Variants in CDCA7 observed in about 807,000 individuals in gnomAD.
CDCA7 encodes cell division cycle associated 7, also known as cell division cycle-associated protein 7.
In CDCA7, 28 loss-of-function variants were observed where a neutral mutation model predicts 54.0. The ratio of observed to expected loss-of-function variants is 0.52; its 90% CI spans 0.38 to 0.71. The LOEUF is 0.71. CDCA7 is among the 30% of genes least tolerant of loss of function. The pLI is 0.00. For missense variants in CDCA7, 484 were observed against 586.0 expected (o/e 0.83, Z 1.80); for synonymous variants, 180 against 208.2 (o/e 0.86, Z 1.16).
chr2:173,356,098 T>G (rs1473491925), intron 1 of CDCA7: 1 of 152,176 alleles, frequency 6.6e-6, no homozygotes, highest in Non-Finnish European at 1.5e-5. Flanking sequence ...AAACCTGACG[T>G]GAAAGTGTAC....
intron 1 of CDCA7, among the ~76,000 whole-genome samples, chr2:173,357,401 C>T (rs966700697): frequency 3.3e-5 from 5 of 152,170 alleles, no homozygotes; most frequent in African/African-American, 7.2e-5. Context: ...AAATGGAATC[C>T]GGTATCCCAC....
intron 5 of CDCA7, 22 bp downstream of exon 5, chr2:173,363,917 T>A: frequency 6.2e-7 from 1 of 1,606,004 alleles, no homozygotes; most frequent in South Asian, 1.1e-5. Flanking sequence ...TTCTTGTTTA[T>A]ATACAGTAGT....
rs1249114787 is a variant in CDCA7 at position 173,354,977 on chromosome 2, G to A, written c.14G>A (p.Arg5His). 1.4e-6 allele frequency: 2 copies of A among 1,443,020 alleles called. No individual in the cohort carries two copies. Among genetic ancestry groups the A allele is most frequent in the Admixed American group, 2.7e-5 (1 of 36,486 alleles). The allele number at this position is 1,443,020 out of a possible 1,614,324, so 89.4% of individuals were successfully genotyped here. A position where few individuals can be genotyped will look rare whatever the true frequency, so the allele number is the denominator to read the frequency against. ...CCCGCCACCAGCATGGACGCTCGCC[G>A]CGTGCCGGTGAGGGCTGGGCGGGCG... Reference protein sequence around the residue: MDARRVPQKDLRVKK... With the variant: MDARHVPQKDLRVKK... Residue 5 changes from arginine to histidine, a missense_variant, in exon 1 of 10, where the codon CGC becomes CAC. Coordinates refer to ENST00000306721, the MANE Select transcript of CDCA7 (RefSeq NM_031942.5).
Position 173,359,280 on chromosome 2 carries a change from G to T in CDCA7, c.173G>T (p.Ser58Ile). The T allele has an allele frequency of 2.5e-6, 4 of 1,614,090 alleles. No individual in the cohort carries two copies. Among genetic ancestry groups the T allele is most frequent in the Non-Finnish European group, 3.4e-6 (4 of 1,179,960 alleles). ...AAACCTAAATTCAGGTCAGATATCA[G>T]TGAAGAACTGGCAAATGTTTTTTAT... is the stretch of plus-strand genomic sequence containing the variant. ...NTKPKFRSDI[S>I]EELANVFYED... Residue 58 changes from serine to isoleucine, a missense_variant, in exon 3 of 10, where the codon AGT becomes ATT. This residue lies in a region of CDCA7 where 398 missense variants were observed against 447.4 expected (regional missense o/e 0.89). Coordinates refer to ENST00000306721, the MANE Select transcript of CDCA7 (RefSeq NM_031942.5).
At chr2:173,365,834 A>G (rs1031215982) in intron 7 of CDCA7, among the ~76,000 whole-genome samples, 3 of 152,236 alleles carry the variant, frequency 2.0e-5, no homozygotes, top group Middle Eastern at 3.2e-3. Flanking sequence ...TTAGAAATCA[A>G]TTCATTCAAC....
At chr2:173,361,802 G>GT (rs896035436) in intron 3 of CDCA7, among the ~76,000 whole-genome samples, 35 of 150,654 alleles carry the variant, frequency 2.3e-4, no homozygotes, top group Non-Finnish European at 2.4e-4. Flanking sequence ...TATGTTTTGT[G>GT]TTTTTTTTTA....
Position 173,359,406 on chromosome 2 carries a change from C to G in CDCA7, c.299C>G (p.Thr100Ser). ...TTACAGAAACCAAGGCCAGATGTCA[C>G]TAACGAACTGGCCGGTATTTTTCAT... ...GFLQKPRPDVTNELAGIFHAD... is the reference protein window; with the variant it reads ...GFLQKPRPDVSNELAGIFHAD... The change falls in exon 3 of 10, where the codon ACT becomes AGT. Residue 100 changes from threonine to serine, a missense_variant. This residue lies in a region of CDCA7 where 398 missense variants were observed against 447.4 expected (regional missense o/e 0.89). Transcript: ENST00000306721. The G allele has an allele frequency of 6.2e-7, 1 of 1,614,136 alleles. No individual in the cohort carries two copies. Among genetic ancestry groups the G allele is most frequent in the South Asian group, 1.1e-5 (1 of 91,088 alleles).
At chr2:173,363,588 G>C in intron 4 of CDCA7, 126 bp downstream of exon 4, 2 of 1,025,942 alleles carry the variant, frequency 1.9e-6, no homozygotes, top group Non-Finnish European at 1.4e-6. Context: ...TTGTTTACCT[G>C]TGAAGTCTTC....
Position 173,354,959 on chromosome 2 carries a change from C to G in CDCA7, c.-5C>G, listed in dbSNP as rs1262093334. 6.8e-7 allele frequency: 1 copy of G among 1,460,046 alleles called. No individual in the cohort carries two copies. Among genetic ancestry groups the G allele is most frequent in the Non-Finnish European group, 9.0e-7 (1 of 1,114,180 alleles). 90.4% of individuals were successfully genotyped at this position (1,460,046 alleles called of 1,614,324 possible). The stretch of plus-strand genomic sequence containing the variant: ...CAAGCGCCGATCTGGGCACCCGCCA[C>G]CAGCATGGACGCTCGCCGCGTGCCG... On this transcript the variant is annotated 5_prime_UTR_variant, in exon 1 of 10. Coordinates refer to ENST00000306721, the MANE Select transcript of CDCA7 (RefSeq NM_031942.5).
rs1686561974 is a variant in CDCA7, at chr2:173,358,756, T to C, written c.66T>C (p.Tyr22=). 7 of 1,613,862 alleles carry C rather than the reference T, an allele frequency of 4.3e-6. No individual in the cohort carries two copies. In the South Asian group the frequency reaches 4.4e-5, roughly 10 times the overall value. ...AGAAGAACTTAAAGAAATTCAGATA[T>C]GTGAAGTTGATTTCCATGGAAACCT... is the stretch of plus-strand genomic sequence containing the variant. The part of the protein sequence containing the change: ...RVKKNLKKFR[Y]VKLISMETSS... Residue 22 remains tyrosine, a synonymous_variant, in exon 2 of 10, where the codon TAT becomes TAC. Transcript: ENST00000306721.
In CDCA7 at chr2:173,359,418, C is replaced by A. The variant is rs1273474132; in HGVS notation, c.311C>A (p.Ala104Asp). The part of the protein sequence containing the change: ...KPRPDVTNEL[A>D]GIFHADSDDE... Reference sequence around the variant, plus strand: ...AGGCCAGATGTCACTAACGAACTGGCCGGTATTTTTCATGCCGACTCTGAC... The same window carrying A: ...AGGCCAGATGTCACTAACGAACTGGACGGTATTTTTCATGCCGACTCTGAC... Residue 104 changes from alanine (A) to aspartate (D), a missense_variant, in exon 3 of 10, where the codon GCC (alanine) becomes GAC (aspartate). By Grantham distance (126) the Ala-to-Asp change is moderately radical. Coordinates refer to ENST00000306721, the MANE Select transcript of CDCA7 (RefSeq NM_031942.5). The A allele has an allele frequency of 6.2e-7, 1 of 1,614,082 alleles. No individual in the cohort carries two copies. The highest frequency in any genetic ancestry group is 1.7e-5 in the Admixed American group (1 of 60,008).
chr2:173,366,337 A>C lies in CDCA7; in HGVS notation c.1090A>C (p.Arg364=). The C allele has an allele frequency of 6.2e-7, 1 of 1,614,042 alleles. No individual in the cohort carries two copies. Among genetic ancestry groups the C allele is most frequent in the Non-Finnish European group, 8.5e-7 (1 of 1,180,024 alleles). The change falls in exon 8 of 10, where the codon AGA becomes CGA. Residue 364 remains arginine, a synonymous_variant. Transcript: ENST00000306721. The surrounding 1 kb of genome is among the most constrained non-coding windows in gnomAD (Gnocchi z 4.5). ...QKTIDTKTNC[R]NPDCWGVRGQ... is the part of the protein sequence containing the mutation. ...GACTATTGATACCAAAACAAACTGC[A>C]GAAACCCAGACTGCTGGGGCGTTCG...
chr2:173,358,609 A>G, intron 1 of CDCA7, 103 bp from the exon 2 acceptor site: 1 of 1,284,314 alleles, frequency 7.8e-7, no homozygotes, highest in South Asian at 1.6e-5. Context: ...AAATGGACAT[A>G]TCTACTCTGT....
chr2:173,367,232 T>A lies in CDCA7; in HGVS notation c.1268T>A (p.Leu423His). Residue 423 changes from leucine (L) to histidine (H), a missense_variant, in exon 9 of 10, where the codon CTT (leucine) becomes CAT (histidine). Coordinates refer to ENST00000306721, the MANE Select transcript of CDCA7 (RefSeq NM_031942.5). Reference protein sequence around the residue: ...QRDGRCATGVLVYLAKYHGFG... With the variant: ...QRDGRCATGVHVYLAKYHGFG... The stretch of plus-strand genomic sequence containing the variant: ...GATGGACGGTGTGCGACTGGGGTCC[T>A]TGTGTATTTAGCCAAATATCATGGC... 1 of 1,613,906 alleles carries A rather than the reference T, an allele frequency of 6.2e-7. No individual in the cohort carries two copies. Among genetic ancestry groups the A allele is most frequent in the Non-Finnish European group, 8.5e-7 (1 of 1,179,936 alleles).
rs141348368 is a variant in CDCA7 at position 173,361,554 on chromosome 2, C to T, written c.385-1672C>T. Among the ~76,000 whole-genome samples the T allele has an allele frequency of 2.2e-4, 33 of 150,918 alleles. 1 individual carries two copies. Among genetic ancestry groups the T allele is most frequent in the African/African-American group, 7.1e-4 (29 of 41,046 alleles). ...ACAACCTCCGCCTCCTGGGTTCAAG[C>T]GATTCTTGTGTCTCAGCATCTGAGT... On this transcript the variant is annotated intron_variant, in intron 3 of 9. Transcript: ENST00000306721.
chr2:173,355,010 G>A, intron 1 of CDCA7, 26 bp downstream of exon 1: 1 of 1,370,400 alleles, frequency 7.3e-7, no homozygotes, highest in South Asian at 1.8e-5. Context: ...GCGAACCCGA[G>A]GGGCGGGCGC....
chr2:173,365,879 AT>A (rs1262455065), intron 7 of CDCA7, among the ~76,000 whole-genome samples: 2 of 152,250 alleles, frequency 1.3e-5, no homozygotes, highest in Non-Finnish European at 2.9e-5. Flanking sequence ...GTGTGTATAC[AT>A]AGCTAGGTGC....
intron 2 of CDCA7, 102 bp from the exon 3 acceptor site, chr2:173,359,153 A>C: frequency 4.4e-6 from 4 of 915,672 alleles, no homozygotes; most frequent in Non-Finnish European, 5.0e-6. Context: ...GTTCTCTTGT[A>C]GTGCACTTGT....
intron 3 of CDCA7, among the ~76,000 whole-genome samples, chr2:173,362,724 G>A (rs930774656): frequency 2.0e-5 from 3 of 146,738 alleles, no homozygotes; most frequent in Non-Finnish European, 4.5e-5. Context: ...ACAGGCATGC[G>A]CCACCATGCC....
Sources: gnomAD v4.1 joint callset for allele counts (sites outside exome capture counted in the v4.1 genomes callset) on GRCh38, gnomAD v4.1.1 for gene constraint, gnomAD v4.1.1 regional missense constraint, Gnocchi (gnomAD v3.1) non-coding constraint, MANE v1.5 for transcripts, NCBI Gene and HGNC (gene_info 2026-07-23, HGNC 2026-07-21) for gene names.